The following DCC variants were observed in gnomAD, a reference collection of about 807,000 sequenced individuals.
DCC encodes netrin receptor DCC.
DCC carries 58 observed loss-of-function variants against 172.5 expected under a neutral mutation model. That is an observed-to-expected ratio of 0.34 (90% CI 0.27 to 0.42). The LOEUF (loss-of-function observed/expected upper bound fraction) is 0.42, where lower values mean the gene tolerates loss of function less well. DCC is among the 10% of genes least tolerant of loss of function. The pLI, the probability that DCC is intolerant of heterozygous loss-of-function variation, is 1.00. For missense variants in DCC, 1,740 were observed against 1,791.0 expected, an observed-to-expected ratio of 0.97 and a Z score of 0.51; for synonymous variants, 709 against 644.5, an observed-to-expected ratio of 1.10 and a Z score of -1.52.
chr18:52,521,048 T>A (rs2031796463), intron 1 of DCC, among the ~76,000 whole-genome samples: 1 of 152,166 alleles, frequency 6.6e-6, no homozygotes. Flanking sequence ...GTGGTATATT[T>A]AAAGCCAAAA....
chr18:52,415,732 A>AT (rs1306605600), intron 1 of DCC, among the ~76,000 whole-genome samples: 5 of 151,992 alleles, frequency 3.3e-5, no homozygotes, highest in Non-Finnish European at 7.4e-5. Context: ...CCTGTTTATC[A>AT]TTTTTATTGC....
At chr18:53,240,450 C>G (rs1035828950) in intron 12 of DCC, among the ~76,000 whole-genome samples, 6 of 152,076 alleles carry the variant, frequency 3.9e-5, no homozygotes, top group Non-Finnish European at 7.4e-5. Context: ...GCTACCAATC[C>G]TGGGTTTACC....
At chr18:52,722,935 GT>G in intron 1 of DCC, among the ~76,000 whole-genome samples, 1 of 151,852 alleles carries the variant, frequency 6.6e-6, no homozygotes, top group East Asian at 1.9e-4. Flanking sequence ...GTTAGAAAAT[GT>G]TTTGGTTCCA....
At chr18:52,919,609 A>G (rs1038758162) in intron 3 of DCC, among the ~76,000 whole-genome samples, 2 of 149,224 alleles carry the variant, frequency 1.3e-5, no homozygotes, top group Admixed American at 6.8e-5. Flanking sequence ...TATATGCTCT[A>G]TCTGAAAATG....
intron 1 of DCC, among the ~76,000 whole-genome samples, chr18:52,522,994 T>C (rs1145261): frequency 0.31 from 47,439 of 152,046 alleles, 7,567 homozygotes; most frequent in African/African-American, 0.35. Context: ...ATTCTGGTAA[T>C]ATTGGTATGA....
intron 14 of DCC, among the ~76,000 whole-genome samples, chr18:53,330,613 A>G (rs1473150914): frequency 6.6e-6 from 1 of 152,108 alleles, no homozygotes; most frequent in Non-Finnish European, 1.5e-5. Context: ...ATTCTTCTCC[A>G]TGTGGTCCTT....
chr18:53,135,166 G>C (rs188096976), intron 7 of DCC, among the ~76,000 whole-genome samples: 13 of 152,210 alleles, frequency 8.5e-5, no homozygotes, highest in Admixed American at 3.3e-4. Flanking sequence ...TATTGGAACA[G>C]ACTGACGGGA....
chr18:53,347,391 G>T (rs1397719652), intron 15 of DCC, among the ~76,000 whole-genome samples: 2 of 152,162 alleles, frequency 1.3e-5, no homozygotes, highest in Admixed American at 1.3e-4. Context: ...GCCAGTGGCT[G>T]TTATCAGTGA....
chr18:53,418,522 T>C (rs1910453071), intron 21 of DCC, among the ~76,000 whole-genome samples: 1 of 152,170 alleles, frequency 6.6e-6, no homozygotes, highest in South Asian at 2.1e-4. Flanking sequence ...CTATTACATT[T>C]ATGACAGGAG....
At chr18:53,024,269 C>T (rs1439019406) in intron 5 of DCC, among the ~76,000 whole-genome samples, 1 of 152,056 alleles carries the variant, frequency 6.6e-6, no homozygotes, top group Admixed American at 6.6e-5. Flanking sequence ...CAAGAATCAA[C>T]ATAGGGACAA....
chr18:52,395,661 G>A (rs561658989), intron 1 of DCC, among the ~76,000 whole-genome samples: 17 of 152,086 alleles, frequency 1.1e-4, no homozygotes, highest in Admixed American at 1.0e-3. Flanking sequence ...TACTTCTCGG[G>A]TTTCTCTACC....
At chr18:52,658,592 A>C (rs2035298773) in intron 1 of DCC, among the ~76,000 whole-genome samples, 1 of 135,560 alleles carries the variant, frequency 7.4e-6, no homozygotes, top group Non-Finnish European at 1.7e-5. Flanking sequence ...TGTTATTTCT[A>C]ATGAATCTGA....
At chr18:52,840,991 C>T (rs528954027) in intron 2 of DCC, among the ~76,000 whole-genome samples, 6 of 151,876 alleles carry the variant, frequency 4.0e-5, no homozygotes, top group Non-Finnish European at 8.8e-5. Context: ...AAATATGATA[C>T]AATGACTGGG....
At chr18:53,036,324 C>T (rs1170314208) in intron 5 of DCC, among the ~76,000 whole-genome samples, 2 of 151,964 alleles carry the variant, frequency 1.3e-5, no homozygotes, top group South Asian at 2.1e-4. Context: ...GAGTATCTTG[C>T]AAAATTTGCA....
At chr18:53,436,835 GAAGTCC>G (rs142077981) in intron 22 of DCC, among the ~76,000 whole-genome samples, 129 of 152,214 alleles carry the variant, frequency 8.5e-4, no homozygotes, top group African/African-American at 3.0e-3. Flanking sequence ...TGGATGCTAG[GAAGTCC>G]AAGATCAAGG....
At chr18:53,498,013 T>C (rs2046046860) in intron 26 of DCC, among the ~76,000 whole-genome samples, 1 of 152,230 alleles carries the variant, frequency 6.6e-6, no homozygotes, top group African/African-American at 2.4e-5. Flanking sequence ...CTTGTATCTA[T>C]CTTTCTACCT....
At chr18:53,431,266 C>T (rs1308314740) in intron 21 of DCC, among the ~76,000 whole-genome samples, 1 of 109,086 alleles carries the variant, frequency 9.2e-6, no homozygotes, top group Admixed American at 9.8e-5. Context: ...ATTATCAAAA[C>T]TTTGGCAGAA....
rs188579105 is a variant in DCC, at chr18:52,659,928, T to G, written c.92-92126T>G. Among the ~76,000 whole-genome samples, 268 of 152,246 alleles carry G rather than the reference T, an allele frequency of 1.8e-3. 1 individual carries two copies. Among genetic ancestry groups the G allele is most frequent in the African/African-American group, 5.9e-3 (247 of 41,550 alleles). Reference sequence around the variant, plus strand: ...TAATTGGGTATTTTGTGGCTTATTTTTCCCATCTTATTGATTAGACCACTG... The same window carrying G: ...TAATTGGGTATTTTGTGGCTTATTTGTCCCATCTTATTGATTAGACCACTG... On this transcript the variant is annotated intron_variant, in intron 1 of 28. Coordinates refer to ENST00000442544, the MANE Select transcript of DCC (RefSeq NM_005215.4).
chr18:53,074,012 G>T (rs906143224), intron 7 of DCC, among the ~76,000 whole-genome samples: 4 of 151,938 alleles, frequency 2.6e-5, no homozygotes, highest in Non-Finnish European at 5.9e-5. Context: ...TGAATAATTA[G>T]TTCAATTATT....
Sources: allele counts gnomAD v4.1 joint callset (sites outside exome capture counted in the v4.1 genomes callset), GRCh38; gene constraint gnomAD v4.1.1; transcripts MANE v1.5; gene names NCBI Gene and HGNC (gene_info 2026-07-23, HGNC 2026-07-21).